The following BCAR3 variants were observed in gnomAD, a reference collection of about 807,000 sequenced individuals.
The protein encoded by BCAR3 is breast cancer anti-estrogen resistance protein 3.
Under a neutral mutation model 80.1 loss-of-function variants are expected in BCAR3, and 37 were observed. The ratio of observed to expected loss-of-function variants is 0.46; its 90% CI spans 0.36 to 0.61. The LOEUF (loss-of-function observed/expected upper bound fraction) is 0.61, where lower values mean the gene tolerates loss of function less well. Ranked by LOEUF, BCAR3 falls within the 20% of genes least tolerant of loss-of-function variation. The pLI, the probability that BCAR3 is intolerant of heterozygous loss-of-function variation, is 0.00. For synonymous variants in BCAR3, 389 were observed against 418.9 expected (o/e 0.93, Z 0.87); for missense variants, 978 against 1,068.2 (o/e 0.92, Z 1.18).
At chr1:93,687,638 G>C (rs906296592) in intron 3 of BCAR3, among the ~76,000 whole-genome samples, 1 of 152,142 alleles carries the variant, frequency 6.6e-6, no homozygotes, top group African/African-American at 2.4e-5. Flanking sequence ...GCAACCCTGG[G>C]TTCCTTTGCC....
chr1:93,647,955 T>TATTTTTAC (rs1676196861), intron 2 of BCAR3, among the ~76,000 whole-genome samples: 1 of 152,044 alleles, frequency 6.6e-6, no homozygotes. Flanking sequence ...GTATTTTTAG[T>TATTTTTAC]AGAGATGGGG....
chr1:93,835,901 C>T (rs1044307881), intron 2 of BCAR3, among the ~76,000 whole-genome samples: 3 of 152,206 alleles, frequency 2.0e-5, no homozygotes, highest in Non-Finnish European at 4.4e-5. Flanking sequence ...TTCTGTCAGA[C>T]ATAATTCCTC....
chr1:93,660,703 T>C (rs1394376668), intron 2 of BCAR3, among the ~76,000 whole-genome samples: 1 of 152,252 alleles, frequency 6.6e-6, no homozygotes, highest in Admixed American at 6.5e-5. Flanking sequence ...GCAATGTAGC[T>C]AGCTTGCTTA....
At chr1:93,821,041 A>G (rs1348935476) in intron 2 of BCAR3, among the ~76,000 whole-genome samples, 1 of 152,196 alleles carries the variant, frequency 6.6e-6, no homozygotes, top group African/African-American at 2.4e-5. Context: ...CACTCCGGAA[A>G]TTACAAGAGT....
chr1:93,764,176 C>T (rs531682896), intron 2 of BCAR3, among the ~76,000 whole-genome samples: 2 of 152,170 alleles, frequency 1.3e-5, no homozygotes, highest in African/African-American at 4.8e-5. Context: ...CCCCTGCCCT[C>T]CTCCACCAGA....
intron 2 of BCAR3, among the ~76,000 whole-genome samples, chr1:93,735,229 G>A (rs1488334993): frequency 6.6e-6 from 1 of 152,180 alleles, no homozygotes; most frequent in Non-Finnish European, 1.5e-5. Context: ...GGACCTCAGT[G>A]TCAAAAGCTG....
intron 2 of BCAR3, among the ~76,000 whole-genome samples, chr1:93,790,634 A>C (rs1467234118): frequency 1.9e-5 from 2 of 107,416 alleles, no homozygotes; most frequent in Admixed American, 9.7e-5. Context: ...TTTTGTATTC[A>C]TTTTTTTTTT....
intron 2 of BCAR3, among the ~76,000 whole-genome samples, chr1:93,843,458 A>G (rs759310349): frequency 6.6e-6 from 1 of 152,230 alleles, no homozygotes; most frequent in Non-Finnish European, 1.5e-5. Flanking sequence ...TGCAATTCTC[A>G]TAACAATTTT....
chr1:93,807,589 G>A (rs1051623598), intron 2 of BCAR3, among the ~76,000 whole-genome samples: 2 of 152,160 alleles, frequency 1.3e-5, no homozygotes, highest in African/African-American at 4.8e-5. Context: ...ATCTCTCCAT[G>A]CTACTCTCGG....
rs189319 is a variant in BCAR3 at position 93,580,470 on chromosome 1, C to T, written c.1686+1831G>A. ...AGTCAGCCCTCCTTATCCGTGGCTT[C>T]TGCAACAGTAGATTCAACCAACCAA... On this transcript the variant is annotated intron_variant, in intron 7 of 11. Coordinates refer to ENST00000260502, the MANE Select transcript of BCAR3 (RefSeq NM_003567.4). 1.3e-3 allele frequency among the ~76,000 whole-genome samples: 201 copies of T among 150,434 alleles called. 2 individuals carry two copies. Among genetic ancestry groups the T allele is most frequent in the African/African-American group, 4.7e-3 (192 of 40,704 alleles).
chr1:93,611,742 T>G (rs771071515), intron 3 of BCAR3, among the ~76,000 whole-genome samples: 18 of 152,206 alleles, frequency 1.2e-4, no homozygotes, highest in Non-Finnish European at 2.5e-4. Context: ...TAAAAACACC[T>G]GTATAATCAT....
At chr1:93,687,551 C>A (rs1251807953) in intron 3 of BCAR3, among the ~76,000 whole-genome samples, 1 of 152,200 alleles carries the variant, frequency 6.6e-6, no homozygotes, top group African/African-American at 2.4e-5. Context: ...AAATGATCCA[C>A]CCACCCCAGC....
intron 3 of BCAR3, among the ~76,000 whole-genome samples, chr1:93,615,016 T>C (rs974375128): frequency 6.6e-6 from 1 of 150,792 alleles, no homozygotes; most frequent in Non-Finnish European, 1.5e-5. Flanking sequence ...TTTTTTTTTT[T>C]TTTTTTTTTA....
At chr1:93,809,101 T>C (rs1653743930) in intron 2 of BCAR3, among the ~76,000 whole-genome samples, 1 of 151,860 alleles carries the variant, frequency 6.6e-6, no homozygotes, top group Non-Finnish European at 1.5e-5. Context: ...AAGTGAAGAG[T>C]AAAGAGATAT....
intron 2 of BCAR3, among the ~76,000 whole-genome samples, chr1:93,740,877 C>A (rs1651151888): frequency 6.6e-6 from 1 of 152,192 alleles, no homozygotes; most frequent in Non-Finnish European, 1.5e-5. Flanking sequence ...TAGGAATTAG[C>A]CGAAAGCACT....
At chr1:93,734,737 T>C (rs1365725088) in intron 2 of BCAR3, among the ~76,000 whole-genome samples, 1 of 152,070 alleles carries the variant, frequency 6.6e-6, no homozygotes, top group Non-Finnish European at 1.5e-5. Flanking sequence ...TCAGAGATGT[T>C]ACTGGGCCAA....
chr1:93,818,331 TA>T (rs1654089757), intron 2 of BCAR3, among the ~76,000 whole-genome samples: 1 of 152,202 alleles, frequency 6.6e-6, no homozygotes. Flanking sequence ...CAGCTGACGT[TA>T]ATCTTCAATG....
At chr1:93,748,094 A>G (rs1651419616) in intron 2 of BCAR3, among the ~76,000 whole-genome samples, 1 of 152,054 alleles carries the variant, frequency 6.6e-6, no homozygotes, top group South Asian at 2.1e-4. Flanking sequence ...TTTCTTCCTC[A>G]TTTCCTAATT....
At chr1:93,716,519 C>T (rs2101983238) in intron 2 of BCAR3, among the ~76,000 whole-genome samples, 1 of 152,286 alleles carries the variant, frequency 6.6e-6, no homozygotes, top group East Asian at 1.9e-4. Context: ...ATCTCTCTGT[C>T]TTAGCATAGA....
Sources: gnomAD v4.1 joint callset for allele counts (sites outside exome capture counted in the v4.1 genomes callset) on GRCh38, gnomAD v4.1.1 for gene constraint, MANE v1.5 for transcripts, NCBI Gene and HGNC (gene_info 2026-07-23, HGNC 2026-07-21) for gene names.